Variants in ASIC5 observed in about 807,000 individuals in gnomAD.
ASIC5 encodes bile acid-sensitive ion channel.
In ASIC5, 52 loss-of-function variants were observed where a neutral mutation model predicts 51.2. That is an observed-to-expected ratio of 1.02 (90% CI 0.81 to 1.28). The LOEUF is 1.28. Among genes scored for constraint, ASIC5 ranks in the 50% most tolerant of loss-of-function variants. The pLI is 0.00. For missense variants in ASIC5, 635 were observed against 595.0 expected (o/e 1.07, Z -0.70); for synonymous variants, 231 against 200.7 (o/e 1.15, Z -1.28).
rs370383510 is a variant in ASIC5 at position 155,866,258 on chromosome 4, G to A, written c.-32C>T. 2.6e-6 allele frequency: 4 copies of A among 1,568,210 alleles called. No homozygotes were observed. The African/African-American group carries it at 5.4e-5, about 21-fold the overall frequency. On this transcript the variant is annotated 5_prime_UTR_variant, in exon 1 of 10. Coordinates refer to ENST00000537611, the MANE Select transcript of ASIC5 (RefSeq NM_017419.3). ...TTTCAGTTAAGCAAGAGTCCTCAGGGTAACCCAATTTTCATCAATAACAGT... is the reference window on the plus strand; with the variant it reads ...TTTCAGTTAAGCAAGAGTCCTCAGGATAACCCAATTTTCATCAATAACAGT...
intron 8 of ASIC5, among the ~76,000 whole-genome samples, chr4:155,835,926 T>C (rs139325243): frequency 6.6e-6 from 1 of 152,344 alleles, no homozygotes; most frequent in African/African-American, 2.4e-5. Context: ...ACGTCAACCT[T>C]AAGTTAGTTA....
chr4:155,833,816 A>G (rs1238389057), intron 8 of ASIC5, among the ~76,000 whole-genome samples: 3 of 152,200 alleles, frequency 2.0e-5, no homozygotes, highest in African/African-American at 7.2e-5. Context: ...GTTTTGTCCA[A>G]TCATTTGGGT....
At position 155,843,671 on chromosome 4, in the gene ASIC5, G is replaced by A. The variant is rs765574935; in HGVS notation, c.861+10C>T. ...TACCCCACCTAATTTCCTCAGACTC[G>A]AGTATTTACCTTCACTTGGCGGATG... On this transcript the variant is annotated intron_variant, in intron 5 of 9. Coordinates refer to ENST00000537611, the MANE Select transcript of ASIC5 (RefSeq NM_017419.3). The A allele has an allele frequency of 4.3e-6, 7 of 1,612,682 alleles. No homozygotes were observed. Among genetic ancestry groups the A allele is most frequent in the South Asian group, 2.2e-5 (2 of 90,906 alleles).
intron 8 of ASIC5, among the ~76,000 whole-genome samples, 174 bp from the exon 9 acceptor site, chr4:155,832,089 GT>G (rs1324168888): frequency 2.0e-4 from 31 of 152,114 alleles, no homozygotes; most frequent in Non-Finnish European, 3.7e-4. Flanking sequence ...TGTCATGTTG[GT>G]TTTTAAGAAA....
At chr4:155,851,039 C>T (rs1741371120) in intron 4 of ASIC5, among the ~76,000 whole-genome samples, 1 of 151,972 alleles carries the variant, frequency 6.6e-6, no homozygotes, top group African/African-American at 2.4e-5. Context: ...TTTCTCCTGG[C>T]CCTTTTGTAA....
At chr4:155,844,297 C>G (rs192648357) in intron 4 of ASIC5, among the ~76,000 whole-genome samples, 1 of 151,744 alleles carries the variant, frequency 6.6e-6, no homozygotes, top group African/African-American at 2.4e-5. Context: ...GAGGTTCATT[C>G]GCTATTAAAA....
chr4:155,848,786 T>C (rs1741314026), intron 4 of ASIC5, among the ~76,000 whole-genome samples: 1 of 152,196 alleles, frequency 6.6e-6, no homozygotes, highest in East Asian at 1.9e-4. Context: ...AGCTAAAATG[T>C]TCATGAGTAT....
At chr4:155,843,112 G>A (rs780867537) in intron 5 of ASIC5, among the ~76,000 whole-genome samples, 1 of 152,142 alleles carries the variant, frequency 6.6e-6, no homozygotes, top group Non-Finnish European at 1.5e-5. Flanking sequence ...CCTTCAGGCT[G>A]TTTTAGGTTT....
At chr4:155,831,099 G>A (rs891234318) in intron 9 of ASIC5, among the ~76,000 whole-genome samples, 2 of 152,160 alleles carry the variant, frequency 1.3e-5, no homozygotes, top group African/African-American at 4.8e-5. Flanking sequence ...AGGGACTGTG[G>A]AGAAGGCAAG....
At chr4:155,852,429 T>C (rs932816954) in intron 3 of ASIC5, 113 bp from the exon 4 acceptor site, 66 of 881,272 alleles carry the variant, frequency 7.5e-5, no homozygotes, top group Middle Eastern at 6.2e-4. Context: ...ACTGCAGAAA[T>C]ATCAGAGAGA....
chr4:155,862,203 T>C (rs1165565971), intron 2 of ASIC5, among the ~76,000 whole-genome samples: 1 of 152,020 alleles, frequency 6.6e-6, no homozygotes, highest in Non-Finnish European at 1.5e-5. Flanking sequence ...TTGAAAATCA[T>C]TTTTTGGGGG....
At chr4:155,832,559 TTTCTC>T (rs1740892825) in intron 8 of ASIC5, among the ~76,000 whole-genome samples, 1 of 152,210 alleles carries the variant, frequency 6.6e-6, no homozygotes, top group Non-Finnish European at 1.5e-5. Context: ...AAGCCCTCAC[TTTCTC>T]TATCACCAGC....
intron 3 of ASIC5, among the ~76,000 whole-genome samples, chr4:155,852,975 T>C (rs140620929): frequency 5.9e-5 from 9 of 152,146 alleles, no homozygotes; most frequent in Admixed American, 2.0e-4. Flanking sequence ...ACCAGAATTA[T>C]GAGATGGAAA....
intron 5 of ASIC5, 93 bp downstream of exon 5, chr4:155,843,588 G>C: frequency 7.1e-7 from 1 of 1,398,884 alleles, no homozygotes; most frequent in Non-Finnish European, 9.8e-7. Flanking sequence ...GTGTTTTACA[G>C]GCATGGGAGA....
chr4:155,865,121 C>T (rs1741828343), intron 1 of ASIC5: 1 of 151,686 alleles, frequency 6.6e-6, no homozygotes, highest in African/African-American at 2.4e-5. Context: ...TAAGGGAGTC[C>T]ATTTCATTCA....
chr4:155,841,375 C>T (rs984138249), intron 6 of ASIC5, among the ~76,000 whole-genome samples: 2 of 152,128 alleles, frequency 1.3e-5, no homozygotes, highest in Non-Finnish European at 2.9e-5. Flanking sequence ...CCCTTTCATT[C>T]TTACAACAAC....
rs145959196 is a variant in ASIC5 at position 155,852,294 on chromosome 4, T to G, written c.608A>C (p.Glu203Ala). Residue 203 changes from glutamate (E) to alanine (A), a missense_variant, in exon 4 of 10, where the codon GAA (glutamate) becomes GCA (alanine). Transcript: ENST00000537611. ...ATTAAAAGTAAAACAATTTCCATAT[T>G]CAGTGAAGACATGTGCAAAATCCTC... is the stretch of plus-strand genomic sequence containing the variant. ...SPKDFAHVFT[E>A]YGNCFTFNHG... 1.4e-3 allele frequency: 2,231 copies of G among 1,593,918 alleles called. 5 individuals are homozygous for G. Among genetic ancestry groups the G allele is most frequent in the Non-Finnish European group, 1.7e-3 (2,018 of 1,173,390 alleles).
intron 1 of ASIC5, chr4:155,865,026 TA>T (rs1459145549): frequency 1.3e-5 from 2 of 152,070 alleles, no homozygotes; most frequent in Non-Finnish European, 2.9e-5. Context: ...CATTATTTAA[TA>T]CAACATAAAT....
At chr4:155,840,325 T>C (rs1479660136) in intron 6 of ASIC5, among the ~76,000 whole-genome samples, 2 of 151,592 alleles carry the variant, frequency 1.3e-5, no homozygotes, top group South Asian at 2.1e-4. Context: ...AGATCAATAA[T>C]CTGGATACTA....
Sources: allele counts gnomAD v4.1 joint callset (sites outside exome capture counted in the v4.1 genomes callset), GRCh38; gene constraint gnomAD v4.1.1; transcripts MANE v1.5; gene names NCBI Gene and HGNC (gene_info 2026-07-23, HGNC 2026-07-21).